Variants in PJA2 observed in about 807,000 individuals in gnomAD.
The protein encoded by PJA2 is E3 ubiquitin-protein ligase Praja-2.
In PJA2, 25 loss-of-function variants were observed where a neutral mutation model predicts 69.3. The ratio of observed to expected loss-of-function variants is 0.36; its 90% CI spans 0.26 to 0.50. The LOEUF is 0.50. Among genes scored for constraint, PJA2 ranks in the 20% least tolerant of loss-of-function variants. The pLI is 0.96. For synonymous variants in PJA2, 308 were observed against 277.8 expected, an observed-to-expected ratio of 1.11 and a Z score of -1.08; for missense variants, 809 against 830.2, an observed-to-expected ratio of 0.97 and a Z score of 0.31.
intron 4 of PJA2, among the ~76,000 whole-genome samples, chr5:109,369,823 G>A (rs1268910350): frequency 4.6e-5 from 7 of 152,082 alleles, no homozygotes; most frequent in Middle Eastern, 3.4e-3. Flanking sequence ...ACCTGAGGTC[G>A]GGAGTTCGAG....
intron 5 of PJA2, among the ~76,000 whole-genome samples, chr5:109,366,697 T>A (rs989969963): frequency 3.3e-5 from 5 of 152,204 alleles, no homozygotes; most frequent in Non-Finnish European, 5.9e-5. Context: ...TTTACTGATA[T>A]AACGCCAATA....
chr5:109,390,345 A>C (rs1443631918), intron 1 of PJA2, among the ~76,000 whole-genome samples: 1 of 151,606 alleles, frequency 6.6e-6, no homozygotes, highest in African/African-American at 2.4e-5. Context: ...TTTTTCTCTT[A>C]TCTCTCATAA....
At chr5:109,344,110 A>G (rs1762133475) in intron 9 of PJA2, 80 bp downstream of exon 9, 1 of 914,330 alleles carries the variant, frequency 1.1e-6, no homozygotes, top group South Asian at 2.4e-5. Context: ...CAAAAAAAAA[A>G]AAAAAAAAAA....
intron 9 of PJA2, among the ~76,000 whole-genome samples, chr5:109,341,137 C>T (rs1762046836): frequency 2.8e-5 from 3 of 107,814 alleles, no homozygotes; most frequent in East Asian, 4.4e-4. Context: ...TGCCTGGCTG[C>T]CCAGTCTGGA....
intron 5 of PJA2, among the ~76,000 whole-genome samples, chr5:109,363,970 A>G (rs1360994939): frequency 6.6e-6 from 1 of 152,018 alleles, no homozygotes; most frequent in Admixed American, 6.5e-5. Flanking sequence ...TGGACAACAT[A>G]GTGAAACGCT....
In PJA2 at chr5:109,361,609, G is replaced by A. The variant is rs560304929; in HGVS notation, c.1652+1231C>T. ...TAAGGAGTGCAGTAAAAAGGTAATG[G>A]GGAGACACAGAAACGGAGGAAAAGA... is the stretch of plus-strand genomic sequence containing the variant. On this transcript the variant is annotated intron_variant, in intron 6 of 9. Transcript: ENST00000361189. 5.9e-5 allele frequency among the ~76,000 whole-genome samples: 9 copies of A among 152,284 alleles called. No individual in the cohort carries two copies. The East Asian group carries it at 1.7e-3, about 29-fold the overall frequency.
rs553770413 is a variant in PJA2 at position 109,405,206 on chromosome 5, A to C, written c.-88+4636T>G. ...CACTTATAATGGTATCAATTATTAA[A>C]TACTTAGATATAAATCCAACAAAAT... On this transcript the variant is annotated intron_variant, in intron 1 of 9. Coordinates refer to ENST00000361189, the MANE Select transcript of PJA2 (RefSeq NM_014819.5). 2.6e-5 allele frequency among the ~76,000 whole-genome samples: 4 copies of C among 152,258 alleles called. No individual in the cohort carries two copies. In the South Asian group the frequency reaches 8.3e-4, roughly 32 times the overall value.
chr5:109,374,307 C>G (rs144518088), intron 4 of PJA2, among the ~76,000 whole-genome samples: 7 of 152,104 alleles, frequency 4.6e-5, no homozygotes, highest in African/African-American at 1.7e-4. Context: ...AACTTGAAAA[C>G]AAGATAAAAA....
chr5:109,342,672 T>C (rs868595562), intron 9 of PJA2, among the ~76,000 whole-genome samples: 4,785 of 16,332 alleles, frequency 0.29, 13 homozygotes, highest in Admixed American at 0.36. Context: ...GCCCCCCGCC[T>C]GGCCAGCCGC....
At chr5:109,389,574 T>C (rs575799829) in intron 1 of PJA2, among the ~76,000 whole-genome samples, 1 of 152,186 alleles carries the variant, frequency 6.6e-6, no homozygotes, top group African/African-American at 2.4e-5. Flanking sequence ...TTTTAAAAGT[T>C]TTCTTAACTA....
intron 7 of PJA2, among the ~76,000 whole-genome samples, chr5:109,355,246 G>C (rs532759826): frequency 1.2e-4 from 19 of 152,134 alleles, no homozygotes; most frequent in Admixed American, 3.3e-4. Flanking sequence ...TCATTCACCA[G>C]TCATTTCTGT....
At chr5:109,401,644 G>A (rs1219931753) in intron 1 of PJA2, among the ~76,000 whole-genome samples, 1 of 152,072 alleles carries the variant, frequency 6.6e-6, no homozygotes, top group African/African-American at 2.4e-5. Context: ...TTTATATCCA[G>A]CAAAATCTTT....
At chr5:109,356,939 C>T (rs1490443793) in intron 6 of PJA2, among the ~76,000 whole-genome samples, 1 of 152,084 alleles carries the variant, frequency 6.6e-6, no homozygotes, top group Non-Finnish European at 1.5e-5. Flanking sequence ...TATCGAGATT[C>T]CTCCTTTTCC....
chr5:109,403,829 TG>T (rs1044659421), intron 1 of PJA2, among the ~76,000 whole-genome samples: 1 of 150,712 alleles, frequency 6.6e-6, no homozygotes, highest in Admixed American at 6.6e-5. Flanking sequence ...CCCAACACTT[TG>T]GGGGGCCAAG....
rs375754287 is a variant in PJA2 at position 109,364,178 on chromosome 5, T to G, written c.1470-1156A>C. 2.6e-5 allele frequency among the ~76,000 whole-genome samples: 4 copies of G among 151,862 alleles called. No homozygotes were observed. The East Asian group carries it at 5.8e-4, about 22-fold the overall frequency. ...AACAAAAAAGGACTCATCAACAAAA[T>G]GTACTGGGACAACTGGGTATTCGCC... On this transcript the variant is annotated intron_variant, in intron 5 of 9. Coordinates refer to ENST00000361189, the MANE Select transcript of PJA2 (RefSeq NM_014819.5).
intron 1 of PJA2, chr5:109,409,066 A>G (rs1747760587): frequency 6.6e-6 from 1 of 151,922 alleles, no homozygotes; most frequent in Non-Finnish European, 1.5e-5. Flanking sequence ...CAAAACGACT[A>G]TTTACCACCT....
At position 109,363,039 on chromosome 5, in the gene PJA2, A is replaced by C. The variant is rs761010245; in HGVS notation, c.1470-17T>G. On this transcript the variant is annotated splice_polypyrimidine_tract_variant and intron_variant, in intron 5 of 9. Transcript: ENST00000361189. ...GTCTGTTCCCTAGTACAAACATTTT[A>C]AAGGAAGAAAAAAATATTATTTTAA... The C allele has an allele frequency of 1.3e-6, 2 of 1,542,478 alleles. No homozygotes were observed. The highest frequency in any genetic ancestry group is 2.5e-5 in the South Asian group (2 of 80,550).
intron 9 of PJA2, among the ~76,000 whole-genome samples, chr5:109,338,743 T>C (rs1234079946): frequency 6.6e-6 from 1 of 151,356 alleles, no homozygotes; most frequent in Non-Finnish European, 1.5e-5. Context: ...AATAGATGAG[T>C]GTGGTCTTGA....
intron 5 of PJA2, 125 bp downstream of exon 5, chr5:109,368,436 T>G: frequency 1.8e-5 from 13 of 735,590 alleles, no homozygotes; most frequent in Non-Finnish European, 2.8e-5. Flanking sequence ...AATGAAAAAA[T>G]CAGGGGGGCC....
Sources: gnomAD v4.1 joint callset for allele counts (sites outside exome capture counted in the v4.1 genomes callset) on GRCh38, gnomAD v4.1.1 for gene constraint, MANE v1.5 for transcripts, NCBI Gene and HGNC (gene_info 2026-07-23, HGNC 2026-07-21) for gene names.